The following RNF157 variants were observed in gnomAD, a reference collection of about 807,000 sequenced individuals.
The protein encoded by RNF157 is E3 ubiquitin ligase RNF157.
RNF157 carries 55 observed loss-of-function variants against 88.3 expected under a neutral mutation model. The ratio of observed to expected loss-of-function variants is 0.62; its 90% CI spans 0.50 to 0.78. RNF157 has a LOEUF of 0.78. Among genes scored for constraint, RNF157 ranks in the 30% least tolerant of loss-of-function variants. The pLI, the probability that RNF157 is intolerant of heterozygous loss-of-function variation, is 0.00. For missense variants in RNF157, 788 were observed against 860.8 expected, an observed-to-expected ratio of 0.92 and a Z score of 1.06; for synonymous variants, 334 against 341.2, an observed-to-expected ratio of 0.98 and a Z score of 0.23.
rs112454918 is a variant in RNF157 at position 76,154,712 on chromosome 17, T to C, written c.1765-384A>G. ...TCCCAAACCCCATCCAGATCCTCCATTGACAGGAGTTGGCTCAAGAAGAGT... is the reference window on the plus strand; with the variant it reads ...TCCCAAACCCCATCCAGATCCTCCACTGACAGGAGTTGGCTCAAGAAGAGT... On this transcript the variant is annotated intron_variant, in intron 16 of 18. Transcript: ENST00000269391. The C allele has an allele frequency of 5.8e-3, 1,321 of 227,672 alleles. 16 individuals are homozygous for C. The highest frequency in any genetic ancestry group is 0.028 in the African/African-American group (1,205 of 43,162). The allele number at this position is 227,672 out of a possible 1,614,324, so 14.1% of individuals were successfully genotyped here.
At chr17:76,205,455 C>T (rs2069664891) in intron 2 of RNF157, among the ~76,000 whole-genome samples, 1 of 152,018 alleles carries the variant, frequency 6.6e-6, no homozygotes. Context: ...AAAATAATGC[C>T]AGCGGCTGAG....
intron 18 of RNF157, among the ~76,000 whole-genome samples, chr17:76,151,476 C>T (rs1461983224): frequency 6.6e-6 from 1 of 152,272 alleles, no homozygotes; most frequent in South Asian, 2.1e-4. Context: ...TGTTCTGAAG[C>T]TGAAGTGAGT....
Position 76,176,999 on chromosome 17 carries a change from T to G in RNF157, c.208-3209A>C, listed in dbSNP as rs1049141542. On this transcript the variant is annotated intron_variant, in intron 2 of 18. Coordinates refer to ENST00000269391, the MANE Select transcript of RNF157 (RefSeq NM_052916.3). This position sits in a 1 kb window ranked among gnomAD's most constrained non-coding sequence, Gnocchi z 4.2. ...GTCTGCCCCACATTGGGGTGACCAC[T>G]GAGCCTGACACTCCTGGGCAGATGG... Among the ~76,000 whole-genome samples the G allele has an allele frequency of 4.6e-5, 7 of 152,082 alleles. No individual in the cohort carries two copies. Among genetic ancestry groups the G allele is most frequent in the African/African-American group, 1.7e-4 (7 of 41,428 alleles).
intron 12 of RNF157, 168 bp from the exon 13 acceptor site, chr17:76,158,669 A>AG (rs1336965963): frequency 1.4e-4 from 85 of 599,458 alleles, no homozygotes; most frequent in Admixed American, 1.4e-3. Context: ...GGCTTCAGCG[A>AG]TCCTCTTGTT....
intron 2 of RNF157, among the ~76,000 whole-genome samples, chr17:76,208,174 C>T (rs1234291164): frequency 2.0e-5 from 3 of 152,158 alleles, no homozygotes; most frequent in East Asian, 1.9e-4. Context: ...CTATAGGCCT[C>T]GGCCTCCTGA....
chr17:76,210,343 C>T (rs2069762833), intron 2 of RNF157, among the ~76,000 whole-genome samples: 1 of 151,796 alleles, frequency 6.6e-6, no homozygotes, highest in East Asian at 2.0e-4. Flanking sequence ...CCTGTAATCC[C>T]AGCACTTTGG....
intron 2 of RNF157, among the ~76,000 whole-genome samples, chr17:76,189,842 A>C (rs923088133): frequency 6.6e-6 from 1 of 152,236 alleles, no homozygotes; most frequent in Non-Finnish European, 1.5e-5. Flanking sequence ...AAACAAAAAC[A>C]ACTGAAGGCT....
chr17:76,175,274 C>T lies in RNF157; in HGVS notation c.208-1484G>A, dbSNP rs527840805. Among the ~76,000 whole-genome samples the T allele has an allele frequency of 1.1e-3, 172 of 152,050 alleles. 2 individuals are homozygous for T. Among genetic ancestry groups the T allele is most frequent in the African/African-American group, 4.0e-3 (164 of 41,502 alleles). The stretch of plus-strand genomic sequence containing the variant: ...ATTTTATGTTGGTTTTACTTTTTTT[C>T]GCAGCTATAAATGTTGTGGTGAATA... On this transcript the variant is annotated intron_variant, in intron 2 of 18. Coordinates refer to ENST00000269391, the MANE Select transcript of RNF157 (RefSeq NM_052916.3).
rs920548443 is a variant in RNF157 at position 76,226,639 on chromosome 17, C to T, written c.88+13514G>A. ...CCACAGTCAGCCATTCGGAGGAGCC[C>T]GCCTTAGCCTTGTCGCTGGAGAACC... On this transcript the variant is annotated intron_variant, in intron 1 of 18. Coordinates refer to ENST00000269391, the MANE Select transcript of RNF157 (RefSeq NM_052916.3). 1.3e-5 allele frequency: 21 copies of T among 1,612,714 alleles called. No individual in the cohort carries two copies. In the African/African-American group the frequency reaches 1.9e-4, roughly 14 times the overall value.
At chr17:76,199,722 C>G (rs1301076984) in intron 2 of RNF157, among the ~76,000 whole-genome samples, 4 of 152,114 alleles carry the variant, frequency 2.6e-5, no homozygotes, top group African/African-American at 9.7e-5. Flanking sequence ...ACGCAGCTCG[C>G]TGGTCTCCAT....
chr17:76,176,834 C>A lies in RNF157; in HGVS notation c.208-3044G>T, dbSNP rs1029527011. 2.6e-5 allele frequency among the ~76,000 whole-genome samples: 4 copies of A among 152,062 alleles called. No individual in the cohort carries two copies. Among genetic ancestry groups the A allele is most frequent in the African/African-American group, 9.7e-5 (4 of 41,366 alleles). The stretch of plus-strand genomic sequence containing the variant: ...CGGAGCTGGGGCCATGCTTCAGGGG[C>A]CCCGGGCAGGAAGTGGGAGCAGCTT... On this transcript the variant is annotated intron_variant, in intron 2 of 18. Coordinates refer to ENST00000269391, the MANE Select transcript of RNF157 (RefSeq NM_052916.3). The surrounding 1 kb of genome is among the most constrained non-coding windows in gnomAD (Gnocchi z 4.2).
At chr17:76,202,268 C>T (rs1190694667) in intron 2 of RNF157, among the ~76,000 whole-genome samples, 1 of 152,074 alleles carries the variant, frequency 6.6e-6, no homozygotes, top group Non-Finnish European at 1.5e-5. Context: ...GCCAGTTACT[C>T]CAAGTCCAAG....
In RNF157 at chr17:76,189,060, A is replaced by C. The variant is rs555070813; in HGVS notation, c.208-15270T>G. Among the ~76,000 whole-genome samples the C allele has an allele frequency of 3.0e-4, 45 of 152,386 alleles. 1 individual carries two copies. The South Asian group carries it at 8.9e-3, about 30-fold the overall frequency. ...TCAAGGTCATGAAGAACAAGGAAAA[A>C]TTGAGAAACTAGCACACATTGGAGG... On this transcript the variant is annotated intron_variant, in intron 2 of 18. Coordinates refer to ENST00000269391, the MANE Select transcript of RNF157 (RefSeq NM_052916.3).
In RNF157 at chr17:76,212,498, CA is replaced by C; in HGVS notation, c.89-17del. On this transcript the variant is annotated splice_polypyrimidine_tract_variant and intron_variant, in intron 1 of 18. Coordinates refer to ENST00000269391, the MANE Select transcript of RNF157 (RefSeq NM_052916.3). ...AAATAGCTTCCTAGAGAGGAACAAA[CA>C]AAAAAAATCAAACAAGCAGAAAACA... is the stretch of plus-strand genomic sequence containing the variant. The C allele has an allele frequency of 2.3e-5, 32 of 1,418,342 alleles. No individual in the cohort carries two copies. The highest frequency in any genetic ancestry group is 2.9e-5 in the Non-Finnish European group (29 of 1,009,942). 87.9% of individuals were successfully genotyped at this position (1,418,342 alleles called of 1,614,324 possible). A position where few individuals can be genotyped will look rare whatever the true frequency, so the allele number is the denominator to read the frequency against.
At chr17:76,206,712 G>C (rs1568062941) in intron 2 of RNF157, among the ~76,000 whole-genome samples, 1 of 152,124 alleles carries the variant, frequency 6.6e-6, no homozygotes, top group African/African-American at 2.4e-5. Flanking sequence ...GCGTGATCTT[G>C]GGATCTCGGC....
At position 76,161,723 on chromosome 17, in the gene RNF157, T is replaced by C. The variant is rs1055913579; in HGVS notation, c.953-76A>G. The C allele has an allele frequency of 6.5e-6, 10 of 1,530,848 alleles. No homozygotes were observed. The highest frequency in any genetic ancestry group is 9.0e-6 in the Non-Finnish European group (10 of 1,115,308). The allele number at this position is 1,530,848 out of a possible 1,614,324, so 94.8% of individuals were successfully genotyped here. On this transcript the variant is annotated intron_variant, in intron 10 of 18. Coordinates refer to ENST00000269391, the MANE Select transcript of RNF157 (RefSeq NM_052916.3). This position sits in a 1 kb window ranked among gnomAD's most constrained non-coding sequence, Gnocchi z 4.6. ...TGAACAAGAGCCCAGACAGAAACCA[T>C]GATCCCTCCCAGCGCGCATCCGTTT...
chr17:76,221,818 C>T (rs1009091406), intron 1 of RNF157, among the ~76,000 whole-genome samples: 3 of 152,142 alleles, frequency 2.0e-5, no homozygotes, highest in South Asian at 2.1e-4. Flanking sequence ...GTCCTTACAA[C>T]GGAATATTAT....
At chr17:76,179,370 G>C (rs181163368) in intron 2 of RNF157, among the ~76,000 whole-genome samples, 1 of 152,004 alleles carries the variant, frequency 6.6e-6, no homozygotes, top group African/African-American at 2.4e-5. Context: ...CTCCAGCTTG[G>C]GGGAGAGAGT....
chr17:76,213,637 T>C (rs2069840926), intron 1 of RNF157, among the ~76,000 whole-genome samples: 1 of 150,668 alleles, frequency 6.6e-6, no homozygotes, highest in Non-Finnish European at 1.5e-5. Flanking sequence ...TTACATATGC[T>C]AATGAATTAA....
Sources: gnomAD v4.1 joint callset for allele counts (sites outside exome capture counted in the v4.1 genomes callset) on GRCh38, gnomAD v4.1.1 for gene constraint, Gnocchi (gnomAD v3.1) non-coding constraint, MANE v1.5 for transcripts, NCBI Gene and HGNC (gene_info 2026-07-23, HGNC 2026-07-21) for gene names.